NOTCH2NLC: variants seen among roughly 807,000 people sequenced by gnomAD.
The protein encoded by NOTCH2NLC is notch homolog 2 N-terminal-like protein C.
A neutral mutation model predicts 17.7 loss-of-function variants in NOTCH2NLC; 4 were observed. The ratio of observed to expected loss-of-function variants is 0.23; its 90% CI spans 0.11 to 0.52. The LOEUF (loss-of-function observed/expected upper bound fraction) is 0.52. Ranked by LOEUF, NOTCH2NLC falls within the 20% of genes least tolerant of loss-of-function variation. NOTCH2NLC has a pLI of 0.96. For synonymous variants in NOTCH2NLC, 18 were observed against 86.0 expected, an observed-to-expected ratio of 0.21 and a Z score of 4.38; for missense variants, 57 against 207.2, an observed-to-expected ratio of 0.28 and a Z score of 4.45.
At position 149,471,812 on chromosome 1, in the gene NOTCH2NLC, T is replaced by G. The variant is rs1332914554; in HGVS notation, c.*7659T>G. ...ACTATGGAACTAATAATAACAGTAA[T>G]AAAGCAAGGTGTCTTTCCACATCTC... On this transcript the variant is annotated 3_prime_UTR_variant, in exon 5 of 5. Coordinates refer to ENST00000650865, the MANE Select transcript of NOTCH2NLC (RefSeq NM_001364013.2). Among the ~76,000 whole-genome samples, 2 of 100,212 alleles carry G rather than the reference T, an allele frequency of 2.0e-5. No individual in the cohort carries two copies. Among genetic ancestry groups the G allele is most frequent in the Non-Finnish European group, 2.0e-5 (1 of 50,604 alleles). The allele number at this position is 100,212 out of a possible 152,430, so 65.7% of individuals were successfully genotyped here. A position where few individuals can be genotyped will look rare whatever the true frequency, so the allele number is the denominator to read the frequency against.
intron 1 of NOTCH2NLC, among the ~76,000 whole-genome samples, chr1:149,413,719 G>C (rs2084312575): frequency 6.6e-6 from 1 of 151,154 alleles, no homozygotes; most frequent in South Asian, 2.1e-4. Flanking sequence ...GATGTTCTCA[G>C]CCTCGTTTTC....
At chr1:149,463,177 T>G (rs2084661217) in intron 3 of NOTCH2NLC, among the ~76,000 whole-genome samples, 1 of 150,596 alleles carries the variant, frequency 6.6e-6, no homozygotes, top group South Asian at 2.1e-4. Flanking sequence ...CAAAGACAGC[T>G]CTGAGAGAGT....
In NOTCH2NLC at chr1:149,427,479, G is replaced by C. The variant is rs2691718; in HGVS notation, c.136-3463G>C. Among the ~76,000 whole-genome samples the C allele has an allele frequency of 6.3e-3, 847 of 134,158 alleles. 6 individuals carry two copies. The highest frequency in any genetic ancestry group is 0.01 in the Non-Finnish European group (632 of 62,562). The allele number at this position is 134,158 out of a possible 152,430, so 88.0% of individuals were successfully genotyped here. ...AAGGTTGAATAGTATTCCATTGTAT[G>C]TATCTACCACAGCTTTTTTTTTTTT... On this transcript the variant is annotated intron_variant, in intron 1 of 4. Coordinates refer to ENST00000650865, the MANE Select transcript of NOTCH2NLC (RefSeq NM_001364013.2).
intron 3 of NOTCH2NLC, among the ~76,000 whole-genome samples, chr1:149,463,204 C>G (rs1348307120): frequency 2.0e-5 from 3 of 150,082 alleles, no homozygotes; most frequent in Non-Finnish European, 4.5e-5. Flanking sequence ...ATCCAGACTC[C>G]TATTGCTGAT....
At chr1:149,449,933 A>G (rs2084582094) in intron 2 of NOTCH2NLC, among the ~76,000 whole-genome samples, 2 of 148,972 alleles carry the variant, frequency 1.3e-5, no homozygotes, top group East Asian at 4.0e-4. Context: ...CATGTTTTCA[A>G]GGTTCATCCA....
intron 3 of NOTCH2NLC, among the ~76,000 whole-genome samples, chr1:149,461,126 C>T (rs1195272033): frequency 6.7e-6 from 1 of 150,092 alleles, no homozygotes; most frequent in Non-Finnish European, 1.5e-5. Context: ...GAAAAGATGG[C>T]GTTTCACCAT....
chr1:149,413,712 G>A (rs1242242264), intron 1 of NOTCH2NLC, among the ~76,000 whole-genome samples: 1 of 151,026 alleles, frequency 6.6e-6, no homozygotes, highest in African/African-American at 2.4e-5. Context: ...ACCTGTGGAT[G>A]TTCTCAGCCT....
At chr1:149,393,743 T>G (rs2084190367) in intron 1 of NOTCH2NLC, among the ~76,000 whole-genome samples, 1 of 137,612 alleles carries the variant, frequency 7.3e-6, no homozygotes, top group Non-Finnish European at 1.6e-5. Context: ...ACTTTCTTAT[T>G]ATTCCTTTTT....
chr1:149,399,128 G>A (rs1338009477), intron 1 of NOTCH2NLC, among the ~76,000 whole-genome samples: 2 of 151,052 alleles, frequency 1.3e-5, no homozygotes, highest in African/African-American at 4.9e-5. Flanking sequence ...GATGAATAAG[G>A]TGTTGTACAA....
intron 2 of NOTCH2NLC, among the ~76,000 whole-genome samples, chr1:149,445,294 A>C (rs1408055491): frequency 1.4e-5 from 2 of 143,674 alleles, no homozygotes; most frequent in Non-Finnish European, 3.1e-5. Flanking sequence ...TTGTAGTCGG[A>C]GCCTTGGGAA....
At chr1:149,430,687 G>T (rs1423135515) in intron 1 of NOTCH2NLC, among the ~76,000 whole-genome samples, 3,174 of 150,068 alleles carry the variant, frequency 0.021, 167 homozygotes, top group African/African-American at 0.074. Flanking sequence ...AGATGTAACA[G>T]CTGGAGATAC....
chr1:149,451,560 G>C (rs2084591434), intron 2 of NOTCH2NLC, among the ~76,000 whole-genome samples: 1 of 150,762 alleles, frequency 6.6e-6, no homozygotes, highest in African/African-American at 2.4e-5. Flanking sequence ...AGTAGGTCTA[G>C]TTTCACGTAA....
At chr1:149,421,643 GAAT>G (rs1467472585) in intron 1 of NOTCH2NLC, among the ~76,000 whole-genome samples, 11 of 104,976 alleles carry the variant, frequency 1.0e-4, no homozygotes, top group African/African-American at 4.4e-4. Flanking sequence ...ACAAGACATG[GAAT>G]AACACTTCAT....
At position 149,471,417 on chromosome 1, in the gene NOTCH2NLC, C is replaced by T. The variant is rs1474442104; in HGVS notation, c.*7264C>T. On this transcript the variant is annotated 3_prime_UTR_variant, in exon 5 of 5. Coordinates refer to ENST00000650865, the MANE Select transcript of NOTCH2NLC (RefSeq NM_001364013.2). ...TATCCCACATTACAAAGATTTACTA[C>T]TTCTAAGTGATTTATAATTTTACCA... 0.093 allele frequency among the ~76,000 whole-genome samples: 13,373 copies of T among 143,910 alleles called. 917 individuals are homozygous for T. Among genetic ancestry groups the T allele is most frequent in the East Asian group, 0.24 (1,086 of 4,538 alleles). 94.4% of individuals were successfully genotyped at this position (143,910 alleles called of 152,430 possible). A position where few individuals can be genotyped will look rare whatever the true frequency, so the allele number is the denominator to read the frequency against.
At chr1:149,449,939 A>T (rs2084582120) in intron 2 of NOTCH2NLC, among the ~76,000 whole-genome samples, 1 of 148,668 alleles carries the variant, frequency 6.7e-6, no homozygotes, top group African/African-American at 2.5e-5. Flanking sequence ...TTCAAGGTTC[A>T]TCCATGTTGT....
chr1:149,399,896 T>TTAAC (rs2084233262), intron 1 of NOTCH2NLC, among the ~76,000 whole-genome samples: 2 of 149,478 alleles, frequency 1.3e-5, no homozygotes, highest in South Asian at 4.2e-4. Context: ...TTACAGATAA[T>TTAAC]TAACTCATAT....
chr1:149,393,179 C>T lies in NOTCH2NLC; in HGVS notation c.135+2257C>T, dbSNP rs1380813455. 4.9e-3 allele frequency among the ~76,000 whole-genome samples: 742 copies of T among 150,498 alleles called. 19 individuals are homozygous for T. Among genetic ancestry groups the T allele is most frequent in the Non-Finnish European group, 7.8e-3 (529 of 67,390 alleles). ...GGATCTCAGTGCATAAAACTATGCC[C>T]TCCACCTCTGCTCTGCTGAGGTGCT... On this transcript the variant is annotated intron_variant, in intron 1 of 4. Coordinates refer to ENST00000650865, the MANE Select transcript of NOTCH2NLC (RefSeq NM_001364013.2).
chr1:149,461,573 C>T (rs1404205996), intron 3 of NOTCH2NLC, among the ~76,000 whole-genome samples: 1 of 151,216 alleles, frequency 6.6e-6, no homozygotes, highest in Admixed American at 6.6e-5. Flanking sequence ...TAGATACTTT[C>T]CTAGACAGTC....
intron 2 of NOTCH2NLC, among the ~76,000 whole-genome samples, chr1:149,448,209 GA>G (rs1330367857): frequency 8.5e-5 from 2 of 23,438 alleles, no homozygotes; most frequent in African/African-American, 3.6e-4. Flanking sequence ...TAAAACTGGG[GA>G]AATTGCTAGA....
Sources: gnomAD v4.1 joint callset for allele counts (sites outside exome capture counted in the v4.1 genomes callset) on GRCh38, gnomAD v4.1.1 for gene constraint, MANE v1.5 for transcripts, NCBI Gene and HGNC (gene_info 2026-07-23, HGNC 2026-07-21) for gene names.